Variants in PRKDC observed in about 807,000 individuals in gnomAD.
PRKDC encodes the protein DNA-dependent protein kinase catalytic subunit.
PRKDC carries 82 observed loss-of-function variants against 486.9 expected under a neutral mutation model. The observed-to-expected ratio is 0.17, with a 90% CI of 0.14 to 0.20. PRKDC has a LOEUF of 0.20. Among genes scored for constraint, PRKDC ranks in the 10% least tolerant of loss-of-function variants. PRKDC has a pLI of 1.00. For synonymous variants in PRKDC, 1,895 were observed against 1,837.0 expected (o/e 1.03, Z -0.81); for missense variants, 4,504 against 5,038.2 (o/e 0.89, Z 3.21).
chr8:47,901,848 GATGA>G (rs760713980), intron 27 of PRKDC, among the ~76,000 whole-genome samples: 21 of 152,102 alleles, frequency 1.4e-4, no homozygotes, highest in Non-Finnish European at 2.1e-4. Flanking sequence ...AGGAATGCTG[GATGA>G]ATGAATGAAC....
chr8:47,904,412 G>A (rs1212467183), intron 26 of PRKDC, among the ~76,000 whole-genome samples: 1 of 152,202 alleles, frequency 6.6e-6, no homozygotes, highest in African/African-American at 2.4e-5. Flanking sequence ...GTAACACCAT[G>A]CCAGCTAATT....
chr8:47,855,192 AAAC>A, intron 50 of PRKDC, 27 bp downstream of exon 50: 1 of 1,538,880 alleles, frequency 6.5e-7, no homozygotes, highest in Non-Finnish European at 8.8e-7. Context: ...CTAAATTTCT[AAAC>A]AATACTGCAA....
At chr8:47,834,499 G>A (rs970319841) in intron 58 of PRKDC, 103 bp from the exon 59 acceptor site, 20 of 1,224,958 alleles carry the variant, frequency 1.6e-5, no homozygotes, top group Admixed American at 4.2e-5. Flanking sequence ...CTAGGCCTCC[G>A]TGCTCAACTC....
At chr8:47,920,240 T>C (rs2090050913) in intron 21 of PRKDC, among the ~76,000 whole-genome samples, 2 of 152,228 alleles carry the variant, frequency 1.3e-5, no homozygotes, top group South Asian at 2.1e-4. Context: ...TCTGTGTGTG[T>C]GTCTTTAATT....
At chr8:47,930,819 T>C in intron 16 of PRKDC, 32 bp from the exon 17 acceptor site, 1 of 1,518,092 alleles carries the variant, frequency 6.6e-7, no homozygotes, top group Non-Finnish European at 8.9e-7. Context: ...AGAAACATTG[T>C]ACCATTCAAT....
intron 14 of PRKDC, 115 bp from the exon 15 acceptor site, chr8:47,934,205 C>A: frequency 8.3e-7 from 1 of 1,210,068 alleles, no homozygotes; most frequent in Non-Finnish European, 1.1e-6. Context: ...CATAGGAGAC[C>A]ATATGATTAA....
chr8:47,952,130 A>G (rs900761162), intron 7 of PRKDC, among the ~76,000 whole-genome samples: 1 of 152,242 alleles, frequency 6.6e-6, no homozygotes, highest in African/African-American at 2.4e-5. Flanking sequence ...ATCCAAAAGA[A>G]TCAACAGCAG....
In PRKDC at chr8:47,927,311, C is replaced by T; in HGVS notation, c.2302G>A (p.Val768Ile). The T allele has an allele frequency of 6.2e-7, 1 of 1,613,770 alleles. No homozygotes were observed. The highest frequency in any genetic ancestry group is 1.1e-5 in the South Asian group (1 of 91,026). ...LGLSYTPLAE[V>I]GLNALEEWSI... ...CATTCTTCTAGAGCATTCAGGCCTA[C>T]TTCTGCCAAGGGGGTATAGCTCAGG... Residue 768 changes from valine to isoleucine, a missense_variant, in exon 21 of 86, where the codon GTA (valine) becomes ATA (isoleucine). Coordinates refer to ENST00000314191, the MANE Select transcript of PRKDC (RefSeq NM_006904.7).
At chr8:47,809,115 G>C (rs1204838878) in intron 68 of PRKDC, among the ~76,000 whole-genome samples, 1 of 146,772 alleles carries the variant, frequency 6.8e-6, no homozygotes, top group Non-Finnish European at 1.5e-5. Context: ...CAGGGGAGTA[G>C]AGGGGAAGGG....
At chr8:47,933,933 G>T in intron 15 of PRKDC, 32 bp downstream of exon 15, 1 of 1,586,978 alleles carries the variant, frequency 6.3e-7, no homozygotes, top group Non-Finnish European at 8.6e-7. Context: ...AGGAAGTAAG[G>T]TACATTTATG....
rs377194327 is a variant in PRKDC, at chr8:47,939,536, G to C, written c.1113+15C>G. 2 of 1,604,496 alleles carry C rather than the reference G, an allele frequency of 1.2e-6. No homozygotes were observed. The highest frequency in any genetic ancestry group is 1.3e-5 in the African/African-American group (1 of 74,472). Reference sequence around the variant, plus strand: ...GTGAAACCAAGACAAAATAGAGTAAGTTAATGAGACATACTCCTGCAAAAA... The same window carrying C: ...GTGAAACCAAGACAAAATAGAGTAACTTAATGAGACATACTCCTGCAAAAA... On this transcript the variant is annotated intron_variant, in intron 11 of 85. Transcript: ENST00000314191.
chr8:47,810,323 T>C (rs960910219), intron 68 of PRKDC, among the ~76,000 whole-genome samples: 1 of 152,278 alleles, frequency 6.6e-6, no homozygotes, highest in Non-Finnish European at 1.5e-5. Context: ...TATTATAGTA[T>C]ACTGTTTGAA....
intron 11 of PRKDC, among the ~76,000 whole-genome samples, chr8:47,938,885 ATCTCTT>A (rs1431840419): frequency 6.6e-6 from 1 of 152,154 alleles, no homozygotes; most frequent in African/African-American, 2.4e-5. Flanking sequence ...TCTTAAATAT[ATCTCTT>A]TCTGTCATAT....
In PRKDC at chr8:47,858,633, A is replaced by G. The variant is rs200510022; in HGVS notation, c.6348T>C (p.Asp2116=). Residue 2116 remains aspartate (D), a splice_region_variant and synonymous_variant, in exon 48 of 86, where the codon GAT becomes GAC. Transcript: ENST00000314191. ...RSLGPPQGEE[D]SVPRDLPSWM... is the part of the protein sequence containing the mutation. ...AAGAAGGAAGATCTCTTGGCACTGA[A>G]TCCTAAAATAAAACATTCAAAATTA... is the stretch of plus-strand genomic sequence containing the variant. 1.1e-3 allele frequency: 1,640 copies of G among 1,511,178 alleles called. 1 individual carries two copies. Among genetic ancestry groups the G allele is most frequent in the Middle Eastern group, 1.9e-3 (11 of 5,714 alleles). The allele number at this position is 1,511,178 out of a possible 1,614,324, so 93.6% of individuals were successfully genotyped here. A position where few individuals can be genotyped will look rare whatever the true frequency, so the allele number is the denominator to read the frequency against.
chr8:47,872,261 C>T (rs2088970318), intron 40 of PRKDC, among the ~76,000 whole-genome samples: 1 of 151,794 alleles, frequency 6.6e-6, no homozygotes, highest in South Asian at 2.1e-4. Flanking sequence ...ACGGTAACCT[C>T]AAATCAAAAA....
At chr8:47,862,599 C>G in intron 42 of PRKDC, 58 bp from the exon 43 acceptor site, 2 of 1,484,614 alleles carry the variant, frequency 1.3e-6, no homozygotes, top group Non-Finnish European at 1.8e-6. Flanking sequence ...ACTGCTCAAG[C>G]CCAACAATGC....
intron 68 of PRKDC, among the ~76,000 whole-genome samples, chr8:47,810,594 C>T (rs1341394955): frequency 6.6e-6 from 1 of 152,180 alleles, no homozygotes; most frequent in Non-Finnish European, 1.5e-5. Flanking sequence ...AAAACAGATG[C>T]CAACTCTATG....
chr8:47,890,757 G>A (rs528425775), intron 31 of PRKDC, among the ~76,000 whole-genome samples: 21 of 152,142 alleles, frequency 1.4e-4, no homozygotes, highest in Middle Eastern at 3.4e-3. Context: ...TTGGCAATTC[G>A]TACCAAGTTT....
intron 74 of PRKDC, among the ~76,000 whole-genome samples, chr8:47,793,844 C>T (rs1400791147): frequency 6.6e-6 from 1 of 152,106 alleles, no homozygotes; most frequent in Non-Finnish European, 1.5e-5. Context: ...AGTTTGTGTA[C>T]AAAGCATCCT....
Sources: allele counts gnomAD v4.1 joint callset (sites outside exome capture counted in the v4.1 genomes callset), GRCh38; gene constraint gnomAD v4.1.1; transcripts MANE v1.5; gene names NCBI Gene and HGNC (gene_info 2026-07-23, HGNC 2026-07-21).